The following VEGFA variants were observed in gnomAD, a reference collection of about 807,000 sequenced individuals.
The protein encoded by VEGFA is vascular endothelial growth factor A, long form.
A neutral mutation model predicts 49.7 loss-of-function variants in VEGFA; 20 were observed. That is an observed-to-expected ratio of 0.40 (90% CI 0.28 to 0.58). VEGFA has a LOEUF of 0.58. Ranked by LOEUF, VEGFA falls within the 20% of genes least tolerant of loss-of-function variation. The probability of loss-of-function intolerance (pLI) is 0.40; values close to 1 mark genes in which losing one functional copy is unlikely to be tolerated. For missense variants in VEGFA, 505 were observed against 553.5 expected (o/e 0.91, Z 0.88); for synonymous variants, 219 against 223.4 (o/e 0.98, Z 0.18).
At chr6:43,780,973 C>G (rs115252951) in intron 6 of VEGFA, 170 bp downstream of exon 6, 35 of 1,533,466 alleles carry the variant, frequency 2.3e-5, no homozygotes, top group Non-Finnish European at 2.9e-5. Context: ...TTGGCACCAA[C>G]GGGTAGATTT....
At chr6:43,781,008 T>C in intron 6 of VEGFA, 1 of 1,320,448 alleles carries the variant, frequency 7.6e-7, no homozygotes, top group Non-Finnish European at 1.1e-6. Flanking sequence ...TGGTCCAGGG[T>C]TGGGGTGAAT....
intron 5 of VEGFA, chr6:43,779,423 AG>A: frequency 3.0e-6 from 1 of 336,492 alleles, no homozygotes; most frequent in Non-Finnish European, 5.8e-6. Context: ...CCTCTTGGCC[AG>A]GGAGAAAAAG....
At chr6:43,771,967 C>CGCGGA in intron 1 of VEGFA, 1 of 977,826 alleles carries the variant, frequency 1.0e-6, no homozygotes, top group African/African-American at 1.8e-5. Context: ...GTGCGCGCGG[C>CGCGGA]GCGGAGCCGA....
intron 3 of VEGFA, 33 bp from the exon 4 acceptor site, chr6:43,778,427 C>G: frequency 6.2e-7 from 1 of 1,607,052 alleles, no homozygotes; most frequent in Non-Finnish European, 8.5e-7. Context: ...GGCTGGGTCA[C>G]TAACCTCTGT....
Position 43,770,620 on chromosome 6 carries a change from G to T in VEGFA, c.-87G>T. ...GCGTGCGAGCAGCGAAAGCGACAGG[G>T]GCAAAGTGAGTGACCTGCTTTTGGG... On this transcript the variant is annotated 5_prime_UTR_variant, in exon 1 of 8. Transcript: ENST00000672860. 1 of 1,462,140 alleles carries T rather than the reference G, an allele frequency of 6.8e-7. No individual in the cohort carries two copies. The highest frequency in any genetic ancestry group is 1.4e-5 in the South Asian group (1 of 73,908). 90.6% of individuals were successfully genotyped at this position (1,462,140 alleles called of 1,614,324 possible). A position where few individuals can be genotyped will look rare whatever the true frequency, so the allele number is the denominator to read the frequency against.
At chr6:43,779,297 A>C in intron 5 of VEGFA, 1 of 428,262 alleles carries the variant, frequency 2.3e-6, no homozygotes, top group Non-Finnish European at 4.3e-6. Flanking sequence ...TTTGTGTGTC[A>C]GAGGAAATGG....
At chr6:43,771,408 C>A in intron 1 of VEGFA, 96 bp downstream of exon 1, 1 of 1,269,624 alleles carries the variant, frequency 7.9e-7, no homozygotes, top group Non-Finnish European at 1.1e-6. Context: ...GCTCCGTGCC[C>A]CACGCGGGTC....
At chr6:43,781,068 C>G in intron 6 of VEGFA, 1 of 771,570 alleles carries the variant, frequency 1.3e-6, no homozygotes, top group Non-Finnish European at 2.0e-6. Flanking sequence ...CCTGGCTTGG[C>G]TGGGCACCGA....
chr6:43,778,184 G>T, intron 3 of VEGFA: 1 of 556,680 alleles, frequency 1.8e-6, no homozygotes, highest in Admixed American at 3.0e-5. Flanking sequence ...ATGGGGAGTG[G>T]TAAGAACCTA....
At chr6:43,781,788 GCT>G (rs1767867398) in intron 6 of VEGFA, 166 bp from the exon 7 acceptor site, 2 of 852,616 alleles carry the variant, frequency 2.3e-6, no homozygotes, top group Non-Finnish European at 3.7e-6. Flanking sequence ...TCTTTCCGCC[GCT>G]CTCTCTGTCT....
At chr6:43,772,063 TC>T (rs1763789611) in intron 1 of VEGFA, 1 of 984,444 alleles carries the variant, frequency 1.0e-6, no homozygotes. Context: ...GCGGCACCCC[TC>T]CCCCCGCCAG....
In VEGFA at chr6:43,771,115, C is replaced by G; in HGVS notation, c.409C>G (p.Gln137Glu). 1 of 1,478,970 alleles carries G rather than the reference C, an allele frequency of 6.8e-7. No homozygotes were observed. Among genetic ancestry groups the G allele is most frequent in the South Asian group, 1.4e-5 (1 of 72,978 alleles). 91.6% of individuals were successfully genotyped at this position (1,478,970 alleles called of 1,614,324 possible). The change falls in exon 1 of 8, where the codon CAG becomes GAG. Residue 137 changes from glutamine (Q) to glutamate (E), a missense_variant. Transcript: ENST00000672860. ...CAGTGCTCCAGCCGCGCGCGCTCCC[C>G]AGGCCCTGGCCCGGGCCTCGGGCCG...
intron 1 of VEGFA, among the ~76,000 whole-genome samples, chr6:43,772,314 G>A (rs769699148): frequency 1.3e-5 from 2 of 152,206 alleles, no homozygotes; most frequent in Non-Finnish European, 2.9e-5. Context: ...CAGAGTCCAG[G>A]GAAAGGATGA....
intron 2 of VEGFA, chr6:43,776,365 G>C (rs942640191): frequency 6.6e-6 from 1 of 152,266 alleles, no homozygotes; most frequent in African/African-American, 2.4e-5. Flanking sequence ...GGTGGGGTGC[G>C]ATAGGCGTGG....
In VEGFA at chr6:43,770,992, G is replaced by T. The variant is rs1383298405; in HGVS notation, c.286G>T (p.Glu96Ter). ...GGAGGAGCCGCAGCCGGAGGAGGGG[G>T]AGGAGGAAGAAGAGAAGGAAGAGGA... Residue 96 changes from glutamate to a stop codon, truncating the protein, a stop_gained, in exon 1 of 8, where the codon GAG (glutamate) becomes TAG (stop). Coordinates refer to ENST00000672860, the MANE Select transcript of VEGFA (RefSeq NM_003376.6). LOFTEE classifies it high-confidence loss of function. 1 of 1,542,490 alleles carries T rather than the reference G, an allele frequency of 6.5e-7. No individual in the cohort carries two copies. The highest frequency in any genetic ancestry group is 2.0e-5 in the Admixed American group (1 of 50,526).
intron 1 of VEGFA, 84 bp from the exon 2 acceptor site, chr6:43,774,257 G>C: frequency 7.0e-7 from 1 of 1,423,248 alleles, no homozygotes; most frequent in Admixed American, 1.7e-5. Context: ...GGAGGGAAGT[G>C]AGGAGGGAGG....
In VEGFA at chr6:43,773,680, G is replaced by A. The variant is rs1250833525; in HGVS notation, c.607-661G>A. 1.3e-5 allele frequency: 2 copies of A among 154,710 alleles called. No homozygotes were observed. The highest frequency in any genetic ancestry group is 4.8e-5 in the African/African-American group (2 of 41,428). 9.6% of individuals were successfully genotyped at this position (154,710 alleles called of 1,614,324 possible). ...GGTGAGGCTTTGGAAATCTATTGAG[G>A]CTCTGGAGAGATTTGTGTAGAGAGG... is the stretch of plus-strand genomic sequence containing the variant. On this transcript the variant is annotated intron_variant, in intron 1 of 7. Coordinates refer to ENST00000672860, the MANE Select transcript of VEGFA (RefSeq NM_003376.6). The surrounding 1 kb of genome is among the most constrained non-coding windows in gnomAD (Gnocchi z 5.6).
At chr6:43,774,717 C>T in intron 2 of VEGFA, 2 of 483,582 alleles carry the variant, frequency 4.1e-6, no homozygotes, top group Non-Finnish European at 7.6e-6. Flanking sequence ...TCCCTTGTTT[C>T]CCCTAGCTCC....
At position 43,770,446 on chromosome 6, in the gene VEGFA, CCA is replaced by C. The variant is rs1561977718; in HGVS notation, c.-259_-258del. 1.8e-6 allele frequency: 1 copy of C among 543,540 alleles called. No homozygotes were observed. The highest frequency in any genetic ancestry group is 2.8e-6 in the Non-Finnish European group (1 of 355,294). 33.7% of individuals were successfully genotyped at this position (543,540 alleles called of 1,614,324 possible). ...TTAATTTATTTTTGCTTGCCATTCC[CCA>C]CTTGAATCGGGCCGACGGCTTGGGG... On this transcript the variant is annotated 5_prime_UTR_variant, in exon 1 of 8. Coordinates refer to ENST00000672860, the MANE Select transcript of VEGFA (RefSeq NM_003376.6).
Sources: allele counts gnomAD v4.1 joint callset (sites outside exome capture counted in the v4.1 genomes callset), GRCh38; gene constraint gnomAD v4.1.1; non-coding constraint Gnocchi (gnomAD v3.1); transcripts MANE v1.5; gene names NCBI Gene and HGNC (gene_info 2026-07-23, HGNC 2026-07-21).